ENO4: variants seen among roughly 807,000 people sequenced by gnomAD.
The protein encoded by ENO4 is 2-phospho-D-glycerate hydro-lyase.
In ENO4, 53 loss-of-function variants were observed where a neutral mutation model predicts 63.2. That is an observed-to-expected ratio of 0.84 (90% CI 0.67 to 1.05). The LOEUF (loss-of-function observed/expected upper bound fraction) is 1.05, where lower values mean the gene tolerates loss of function less well. ENO4 is among the 50% of genes least tolerant of loss of function. The pLI is 0.00. For missense variants in ENO4, 719 were observed against 772.0 expected, an observed-to-expected ratio of 0.93 and a Z score of 0.81; for synonymous variants, 266 against 283.8, an observed-to-expected ratio of 0.94 and a Z score of 0.63.
intron 3 of ENO4, among the ~76,000 whole-genome samples, chr10:116,857,175 A>G (rs1014426709): frequency 2.0e-5 from 3 of 152,162 alleles, no homozygotes; most frequent in Non-Finnish European, 4.4e-5. Flanking sequence ...ACACCTTACT[A>G]TGTAACACTA....
intron 7 of ENO4, among the ~76,000 whole-genome samples, chr10:116,866,327 G>A (rs1021652857): frequency 1.2e-4 from 19 of 152,184 alleles, no homozygotes; most frequent in African/African-American, 3.4e-4. Flanking sequence ...AGCACTTAGA[G>A]AAAGCTCAGA....
chr10:116,905,061 C>A (rs1221238691), intron 10 of ENO4, among the ~76,000 whole-genome samples: 1 of 151,434 alleles, frequency 6.6e-6, no homozygotes, highest in Non-Finnish European at 1.5e-5. Flanking sequence ...ATTAGCCGGG[C>A]GCGGTGGCGG....
chr10:116,860,930 G>A lies in ENO4; in HGVS notation c.771G>A (p.Leu257=). 1.3e-6 allele frequency: 2 copies of A among 1,546,684 alleles called. No homozygotes were observed. Among genetic ancestry groups the A allele is most frequent in the Non-Finnish European group, 1.7e-6 (2 of 1,144,222 alleles). The change falls in exon 5 of 14, where the codon CTG becomes CTA. Residue 257 remains leucine (L), a synonymous_variant. Coordinates refer to ENST00000341276, the MANE Select transcript of ENO4 (RefSeq NM_001242699.2). The part of the protein sequence containing the change: ...KACAMLLNKP[L]YLNIALLKHN... Reference sequence around the variant, plus strand: ...GTGCCATGCTGCTTAATAAACCTCTGTACTTAAATATCGCTCTACTGAAGC... The same window carrying A: ...GTGCCATGCTGCTTAATAAACCTCTATACTTAAATATCGCTCTACTGAAGC...
intron 12 of ENO4, 131 bp from the exon 13 acceptor site, chr10:116,879,730 GCTTACATA>G: frequency 1.5e-6 from 1 of 681,188 alleles, no homozygotes. Context: ...AGGCCACTGT[GCTTACATA>G]AAGATAAAAA....
intron 10 of ENO4, among the ~76,000 whole-genome samples, chr10:116,902,932 G>T (rs1291059618): frequency 6.6e-6 from 1 of 152,180 alleles, no homozygotes; most frequent in Admixed American, 6.5e-5. Context: ...CTGACCATTG[G>T]TATTAAGCTC....
At chr10:116,883,494 T>G (rs1180661344), downstream of ENO4, 2 of 152,324 alleles carry the variant, frequency 1.3e-5, no homozygotes, top group Non-Finnish European at 2.9e-5. Context: ...TCTCGACAAC[T>G]TACTGGTATA....
chr10:116,888,919 C>T (rs1400160554), intron 10 of ENO4, among the ~76,000 whole-genome samples: 1 of 152,258 alleles, frequency 6.6e-6, no homozygotes, highest in African/African-American at 2.4e-5. Context: ...TGCAGCCCAG[C>T]TAAGGTTCCA....
At position 116,879,899 on chromosome 10, in the gene ENO4, T is replaced by G. The variant is rs1325037246; in HGVS notation, c.1636T>G (p.Leu546Val). 1.9e-6 allele frequency: 3 copies of G among 1,550,446 alleles called. No homozygotes were observed. The highest frequency in any genetic ancestry group is 2.6e-6 in the Non-Finnish European group (3 of 1,146,982). ...AVGLGVRFIK[L>V]GGLSRGERVT... Reference sequence around the variant, plus strand: ...TGGGCTTGGTGTCCGGTTCATCAAGTTGGGGGGTCTTTCCCGTGGTGAACG... The same window carrying G: ...TGGGCTTGGTGTCCGGTTCATCAAGGTGGGGGGTCTTTCCCGTGGTGAACG... Residue 546 changes from leucine (L) to valine (V), a missense_variant, in exon 13 of 14, where the codon TTG becomes GTG. This residue lies in a region of ENO4 where 168 missense variants were observed against 163.3 expected (regional missense o/e 1.03). Coordinates refer to ENST00000341276, the MANE Select transcript of ENO4 (RefSeq NM_001242699.2).
intron 9 of ENO4, among the ~76,000 whole-genome samples, chr10:116,872,749 A>G (rs759038785): frequency 1.3e-5 from 2 of 152,220 alleles, no homozygotes; most frequent in African/African-American, 2.4e-5. Flanking sequence ...CCAAGCATCT[A>G]TGGTGACTTG....
chr10:116,897,053 T>C (rs975490905), intron 10 of ENO4, among the ~76,000 whole-genome samples: 6 of 152,152 alleles, frequency 3.9e-5, no homozygotes, highest in Non-Finnish European at 4.4e-5. Context: ...GTGATCTGCC[T>C]GCCTCAGCCT....
chr10:116,888,986 T>C (rs1355244281), intron 10 of ENO4, among the ~76,000 whole-genome samples: 2 of 152,376 alleles, frequency 1.3e-5, no homozygotes, highest in African/African-American at 4.8e-5. Flanking sequence ...TTTCACCATC[T>C]TGGGCCTGGG....
chr10:116,908,871 C>T (rs897887233), intron 10 of ENO4, among the ~76,000 whole-genome samples: 1 of 152,136 alleles, frequency 6.6e-6, no homozygotes, highest in Admixed American at 6.6e-5. Flanking sequence ...CCTTGAATCC[C>T]CAACTTCTTT....
chr10:116,850,016 C>T, intron 1 of ENO4: 2 of 589,604 alleles, frequency 3.4e-6, no homozygotes, highest in South Asian at 1.8e-5. Context: ...CAGGCTTCCT[C>T]GCTGCCTAAG....
At chr10:116,878,738 ATATC>A (rs1846906435) in intron 11 of ENO4, among the ~76,000 whole-genome samples, 1 of 86,404 alleles carries the variant, frequency 1.2e-5, no homozygotes, top group South Asian at 5.2e-4. Context: ...TACAAATCAT[ATATC>A]TTTTTTTTTT....
rs948651317 is a variant in ENO4 at position 116,856,546 on chromosome 10, C to T, written c.349C>T (p.Pro117Ser). The change falls in exon 3 of 14, where the codon CCC (proline) becomes TCC (serine). Residue 117 changes from proline to serine, a missense_variant. Physicochemically the swap from Pro to Ser is moderately conservative, Grantham distance 74 (BLOSUM62 -1). Transcript: ENST00000341276. ...TTTTGAAGTCCATGAGAATGCTCTG[C>T]CCGAGCTGGCCAAGGCGGAGGAGGC... ...THFEVHENAL[P>S]ELAKAEEAER... 62 of 1,535,986 alleles carry T rather than the reference C, an allele frequency of 4.0e-5. No homozygotes were observed. Among genetic ancestry groups the T allele is most frequent in the Non-Finnish European group, 5.4e-5 (62 of 1,146,914 alleles).
intron 10 of ENO4, among the ~76,000 whole-genome samples, chr10:116,894,957 T>C (rs1589781210): frequency 6.6e-6 from 1 of 152,190 alleles, no homozygotes. Context: ...GGCCCACATA[T>C]CCTGCCTCTC....
chr10:116,853,776 T>G (rs1846164924), intron 1 of ENO4, among the ~76,000 whole-genome samples: 1 of 152,192 alleles, frequency 6.6e-6, no homozygotes. Flanking sequence ...ACGGATAGCT[T>G]GAAAATGAGC....
rs550690952 is a variant in ENO4, at chr10:116,902,136, A to C, written c.1195-9363A>C. On this transcript the variant is annotated intron_variant, in intron 10 of 10. Coordinates refer to the ENO4 transcript ENST00000369207. The stretch of plus-strand genomic sequence containing the variant: ...TGCTCTGCTTTCGTGGTACTACTAC[A>C]TTTCAATCTACCAGGACCACGCTGA... Among the ~76,000 whole-genome samples, 3 of 152,220 alleles carry C rather than the reference A, an allele frequency of 2.0e-5. No individual in the cohort carries two copies. In the East Asian group the frequency reaches 5.8e-4, roughly 29 times the overall value.
chr10:116,869,282 G>A (rs1048290211), intron 8 of ENO4, among the ~76,000 whole-genome samples: 2 of 152,160 alleles, frequency 1.3e-5, no homozygotes, highest in African/African-American at 2.4e-5. Context: ...GATTGTGAGT[G>A]CGCTGATAGA....
Sources: gnomAD v4.1 joint callset for allele counts (sites outside exome capture counted in the v4.1 genomes callset) on GRCh38, gnomAD v4.1.1 for gene constraint, gnomAD v4.1.1 regional missense constraint, MANE v1.5 for transcripts, NCBI Gene and HGNC (gene_info 2026-07-23, HGNC 2026-07-21) for gene names.